The following LRIG1 variants were observed in gnomAD, a reference collection of about 807,000 sequenced individuals.
LRIG1 encodes leucine rich repeats and immunoglobulin like domains 1, also known as leucine-rich repeats and immunoglobulin-like domains protein 1.
A neutral mutation model predicts 99.2 loss-of-function variants in LRIG1; 48 were observed. The observed-to-expected ratio is 0.48, with a 90% CI of 0.38 to 0.62. LRIG1 has a LOEUF of 0.62. Among genes scored for constraint, LRIG1 ranks in the 20% least tolerant of loss-of-function variants. The pLI is 0.00. For missense variants in LRIG1, 1,646 were observed against 1,434.4 expected (o/e 1.15, Z -2.38); for synonymous variants, 772 against 596.1 (o/e 1.29, Z -4.30).
At chr3:66,406,325 C>T in intron 8 of LRIG1, 1 of 985,616 alleles carries the variant, frequency 1.0e-6, no homozygotes, top group Non-Finnish European at 1.2e-6. Context: ...GTGTGCCTGT[C>T]TCTCTGCTCC....
chr3:66,483,655 A>G (rs1401587883), intron 1 of LRIG1, among the ~76,000 whole-genome samples: 1 of 152,210 alleles, frequency 6.6e-6, no homozygotes, highest in Non-Finnish European at 1.5e-5. Context: ...GAGCAGAATA[A>G]CCACAAGGGG....
intron 12 of LRIG1, among the ~76,000 whole-genome samples, chr3:66,391,228 G>A (rs1312409601): frequency 6.6e-6 from 1 of 152,172 alleles, no homozygotes; most frequent in Non-Finnish European, 1.5e-5. Flanking sequence ...GTAAAATCAT[G>A]AAGCCACTCT....
At chr3:66,477,422 T>G (rs1700747466) in intron 1 of LRIG1, among the ~76,000 whole-genome samples, 1 of 152,204 alleles carries the variant, frequency 6.6e-6, no homozygotes, top group Non-Finnish European at 1.5e-5. Flanking sequence ...CAGGACAAGA[T>G]GATCCTAGTT....
At chr3:66,406,476 G>T in intron 8 of LRIG1, 1 of 952,768 alleles carries the variant, frequency 1.0e-6, no homozygotes, top group African/African-American at 1.8e-5. Flanking sequence ...ACACTCCCTG[G>T]CAATGGCTCC....
rs185711730 is a variant in LRIG1 at position 66,433,571 on chromosome 3, T to G, written c.366-16305A>C. 1.7e-4 allele frequency among the ~76,000 whole-genome samples: 26 copies of G among 152,304 alleles called. No homozygotes were observed. In the East Asian group the frequency reaches 4.4e-3, roughly 26 times the overall value. ...GGGGAGGGATACCACTGATGTGCCT[T>G]TAAAAATAAAACCAGGCCTGCTTCC... On this transcript the variant is annotated intron_variant, in intron 3 of 18. Transcript: ENST00000273261.
chr3:66,417,311 A>G, intron 3 of LRIG1, 45 bp from the exon 4 acceptor site: 1 of 1,591,846 alleles, frequency 6.3e-7, no homozygotes, highest in East Asian at 2.3e-5. Context: ...CTTTTTGCAA[A>G]GTAACTACAA....
At chr3:66,417,067 T>A in intron 4 of LRIG1, 62 bp downstream of exon 4, 1 of 1,593,166 alleles carries the variant, frequency 6.3e-7, no homozygotes, top group Non-Finnish European at 8.6e-7. Context: ...TGGGTGCCGG[T>A]GAAGCTGTTA....
At chr3:66,462,628 CATGTATT>C in intron 1 of LRIG1, 119 bp from the exon 2 acceptor site, 1 of 715,540 alleles carries the variant, frequency 1.4e-6, no homozygotes, top group South Asian at 1.6e-5. Context: ...ATCCCATGAT[CATGTATT>C]AAGTAACCGT....
chr3:66,471,952 T>C (rs949897092), intron 1 of LRIG1, among the ~76,000 whole-genome samples: 2 of 152,194 alleles, frequency 1.3e-5, no homozygotes, highest in Non-Finnish European at 1.5e-5. Flanking sequence ...ATTAGCTTCC[T>C]ATGAAACCAC....
At chr3:66,492,018 A>G (rs1701112464) in intron 1 of LRIG1, among the ~76,000 whole-genome samples, 1 of 152,240 alleles carries the variant, frequency 6.6e-6, no homozygotes, top group African/African-American at 2.4e-5. Context: ...CTCTCAAGAA[A>G]AAGAAGCTGT....
chr3:66,397,683 G>A (rs1280324631), intron 11 of LRIG1, among the ~76,000 whole-genome samples: 1 of 152,170 alleles, frequency 6.6e-6, no homozygotes, highest in Non-Finnish European at 1.5e-5. Flanking sequence ...CCAGAGCTCT[G>A]CCTTGCTCAC....
chr3:66,428,712 C>T (rs1703060842), intron 3 of LRIG1, among the ~76,000 whole-genome samples: 1 of 152,228 alleles, frequency 6.6e-6, no homozygotes, highest in African/African-American at 2.4e-5. Flanking sequence ...GCCTGCTTTA[C>T]ATCCATCTTC....
At chr3:66,421,897 G>A (rs1032161330) in intron 3 of LRIG1, among the ~76,000 whole-genome samples, 17 of 152,244 alleles carry the variant, frequency 1.1e-4, no homozygotes, top group African/African-American at 3.6e-4. Context: ...CTAGGCAGAG[G>A]TTCCCAAACC....
chr3:66,492,767 T>C (rs958191194), intron 1 of LRIG1, among the ~76,000 whole-genome samples: 2 of 152,146 alleles, frequency 1.3e-5, no homozygotes, highest in Admixed American at 6.5e-5. Flanking sequence ...AATGAACAGA[T>C]TGGTTGTTCG....
Position 66,434,584 on chromosome 3 carries a change from T to C in LRIG1, c.365+16975A>G, listed in dbSNP as rs180987299. Among the ~76,000 whole-genome samples, 184 of 151,908 alleles carry C rather than the reference T, an allele frequency of 1.2e-3. 1 individual carries two copies. The highest frequency in any genetic ancestry group is 2.0e-3 in the Non-Finnish European group (134 of 67,932). ...CAACATGGCGAAACCCTGTCTCTACTAAAAATACAAAAATTAGCCAGGCCT... is the reference window on the plus strand; with the variant it reads ...CAACATGGCGAAACCCTGTCTCTACCAAAAATACAAAAATTAGCCAGGCCT... On this transcript the variant is annotated intron_variant, in intron 3 of 18. Transcript: ENST00000273261.
At chr3:66,383,548 T>C in intron 14 of LRIG1, 147 bp from the exon 15 acceptor site, 1 of 740,822 alleles carries the variant, frequency 1.3e-6, no homozygotes, top group East Asian at 2.7e-5. Context: ...GAGAAGACCC[T>C]TCAACTCATT....
intron 2 of LRIG1, among the ~76,000 whole-genome samples, chr3:66,452,378 G>A (rs1703935749): frequency 6.6e-6 from 1 of 152,164 alleles, no homozygotes; most frequent in East Asian, 1.9e-4. Flanking sequence ...GGCTCGCCTG[G>A]TCTGCCCCCA....
intron 2 of LRIG1, among the ~76,000 whole-genome samples, chr3:66,456,946 C>T (rs935642437): frequency 3.3e-5 from 5 of 152,174 alleles, no homozygotes; most frequent in East Asian, 1.9e-4. Context: ...GGAGGCACTC[C>T]CTGGTGGGCT....
In LRIG1 at chr3:66,459,950, C is replaced by G. The variant is rs111703915; in HGVS notation, c.290+2488G>C. On this transcript the variant is annotated intron_variant, in intron 2 of 18. Transcript: ENST00000273261. ...AAGAAATCAGTAATACTAATCCTAT[C>G]TTGATCTAAGCTTTTTATATTTTAC... 6.9e-3 allele frequency among the ~76,000 whole-genome samples: 1,048 copies of G among 152,274 alleles called. 15 individuals are homozygous for G. The highest frequency in any genetic ancestry group is 0.023 in the African/African-American group (972 of 41,544).
Sources: allele counts gnomAD v4.1 joint callset (sites outside exome capture counted in the v4.1 genomes callset), GRCh38; gene constraint gnomAD v4.1.1; transcripts MANE v1.5; gene names NCBI Gene and HGNC (gene_info 2026-07-23, HGNC 2026-07-21).